GLI3: variants seen among roughly 807,000 people sequenced by gnomAD.
GLI3 encodes the protein GLI family zinc finger 3.
In GLI3, 20 loss-of-function variants were observed where a neutral mutation model predicts 100.8. The ratio of observed to expected loss-of-function variants is 0.20; its 90% CI spans 0.14 to 0.29. The LOEUF is 0.29. GLI3 is among the 10% of genes least tolerant of loss of function. The probability of loss-of-function intolerance (pLI) is 1.00; values close to 1 mark genes in which losing one functional copy is unlikely to be tolerated. For missense variants in GLI3, 2,040 were observed against 2,128.5 expected (o/e 0.96, Z 0.82); for synonymous variants, 938 against 860.5 (o/e 1.09, Z -1.58).
At chr7:42,113,484 C>CTAAAAA (rs1785768167) in intron 3 of GLI3, 1 of 830,444 alleles carries the variant, frequency 1.2e-6, no homozygotes, top group African/African-American at 1.7e-5. Context: ...CAGAGCAAGC[C>CTAAAAA]TAAAAAGGCC....
intron 3 of GLI3, among the ~76,000 whole-genome samples, chr7:42,086,599 T>A (rs952906708): frequency 9.2e-5 from 14 of 152,048 alleles, no homozygotes; most frequent in Non-Finnish European, 1.5e-5. Flanking sequence ...TCAGGCACCA[T>A]GCACTTCATG....
chr7:42,215,111 T>C (rs1788348860), intron 2 of GLI3, among the ~76,000 whole-genome samples: 1 of 152,058 alleles, frequency 6.6e-6, no homozygotes, highest in Non-Finnish European at 1.5e-5. Flanking sequence ...CTATCATTAC[T>C]GGGGACTCAC....
In GLI3 at chr7:42,025,147, A is replaced by T. The variant is rs566141427; in HGVS notation, c.1356+117T>A. 8 of 716,826 alleles carry T rather than the reference A, an allele frequency of 1.1e-5. No homozygotes were observed. In the East Asian group the frequency reaches 2.0e-4, roughly 18 times the overall value. The allele number at this position is 716,826 out of a possible 1,614,324, so 44.4% of individuals were successfully genotyped here. On this transcript the variant is annotated intron_variant, in intron 9 of 14. Transcript: ENST00000395925. Reference sequence around the variant, plus strand: ...AGAGTACGGCCAAGGTCAACAATGCAGTGGACAAGGAACTGCCGTGAAAAA... The same window carrying T: ...AGAGTACGGCCAAGGTCAACAATGCTGTGGACAAGGAACTGCCGTGAAAAA...
At chr7:42,111,574 C>A (rs1387953135) in intron 3 of GLI3, among the ~76,000 whole-genome samples, 1 of 152,164 alleles carries the variant, frequency 6.6e-6, no homozygotes, top group African/African-American at 2.4e-5. Context: ...GAAACTGTGT[C>A]ATTTTCTATG....
intron 1 of GLI3, among the ~76,000 whole-genome samples, chr7:42,230,640 C>G (rs1294832621): frequency 6.6e-6 from 1 of 152,248 alleles, no homozygotes; most frequent in Non-Finnish European, 1.5e-5. Context: ...TCATCAGCTA[C>G]TCTTCCCCTG....
chr7:42,148,516 C>G (rs1205955416), intron 2 of GLI3, 48 bp from the exon 3 acceptor site: 6 of 1,565,286 alleles, frequency 3.8e-6, no homozygotes, highest in Middle Eastern at 1.9e-4. Flanking sequence ...CTTTAAGGAG[C>G]AATTAAAAAA....
intron 10 of GLI3, among the ~76,000 whole-genome samples, chr7:41,981,308 C>T (rs1419790686): frequency 6.6e-6 from 1 of 152,186 alleles, no homozygotes; most frequent in Non-Finnish European, 1.5e-5. Flanking sequence ...CTTGCCAGGG[C>T]TCACCTAAAA....
In GLI3 at chr7:42,122,296, C is replaced by G. The variant is rs1339987105; in HGVS notation, c.367+25930G>C. Among the ~76,000 whole-genome samples, 6 of 150,154 alleles carry G rather than the reference C, an allele frequency of 4.0e-5. No homozygotes were observed. In the East Asian group the frequency reaches 1.2e-3, roughly 29 times the overall value. On this transcript the variant is annotated intron_variant, in intron 3 of 14. Coordinates refer to ENST00000395925, the MANE Select transcript of GLI3 (RefSeq NM_000168.6). Reference sequence around the variant, plus strand: ...TTTCCAGTTATAAAACCCTCACCTCCTAATCACATAAAATCAGATTTTTTA... The same window carrying G: ...TTTCCAGTTATAAAACCCTCACCTCGTAATCACATAAAATCAGATTTTTTA...
chr7:42,208,491 G>A (rs550079124), intron 2 of GLI3, among the ~76,000 whole-genome samples: 5 of 152,176 alleles, frequency 3.3e-5, no homozygotes, highest in Admixed American at 2.0e-4. Context: ...CAATAACAAC[G>A]TTCCCCAGCT....
chr7:42,237,467 C>G (rs1041746283), upstream of GLI3, among the ~76,000 whole-genome samples: 3 of 152,054 alleles, frequency 2.0e-5, 1 homozygote, highest in African/African-American at 4.8e-5. Context: ...AGAAGCCCCC[C>G]GCCCCGACCT....
chr7:42,075,155 T>A (rs564370970), intron 4 of GLI3, among the ~76,000 whole-genome samples: 2 of 152,216 alleles, frequency 1.3e-5, no homozygotes, highest in Non-Finnish European at 2.9e-5. Flanking sequence ...GATAAATTCA[T>A]ATTTGAATTT....
chr7:42,086,963 G>A (rs1471998352), intron 3 of GLI3, among the ~76,000 whole-genome samples: 1 of 152,082 alleles, frequency 6.6e-6, no homozygotes, highest in Non-Finnish European at 1.5e-5. Context: ...GGGCAGTATG[G>A]GGATGAGTCC....
chr7:42,131,805 T>G (rs1786283643), intron 3 of GLI3, among the ~76,000 whole-genome samples: 1 of 152,098 alleles, frequency 6.6e-6, no homozygotes, highest in African/African-American at 2.4e-5. Flanking sequence ...GCACCCAATA[T>G]ACAAGTAATA....
intron 2 of GLI3, among the ~76,000 whole-genome samples, chr7:42,216,395 T>C (rs1788377980): frequency 6.6e-6 from 1 of 152,252 alleles, no homozygotes; most frequent in African/African-American, 2.4e-5. Context: ...ATTCAAAGTA[T>C]TCTGTAGCAT....
At chr7:42,237,216 G>T (rs1189784122), upstream of GLI3, among the ~76,000 whole-genome samples, 5 of 150,452 alleles carry the variant, frequency 3.3e-5, no homozygotes, top group East Asian at 9.8e-4. Flanking sequence ...GTGTGCGAGC[G>T]CGCCGGTGGC....
chr7:42,191,693 C>A (rs1444982602), intron 2 of GLI3, among the ~76,000 whole-genome samples: 1 of 151,462 alleles, frequency 6.6e-6, no homozygotes, highest in Non-Finnish European at 1.5e-5. Context: ...TGAACACATA[C>A]TAACTGCCAG....
chr7:42,175,469 T>C (rs1787460284), intron 2 of GLI3, among the ~76,000 whole-genome samples: 1 of 151,972 alleles, frequency 6.6e-6, no homozygotes, highest in Non-Finnish European at 1.5e-5. Flanking sequence ...AATACAAAAA[T>C]TAGCCAGGCG....
intron 3 of GLI3, among the ~76,000 whole-genome samples, chr7:42,115,074 AAG>A (rs1171522347): frequency 2.0e-5 from 3 of 152,128 alleles, no homozygotes; most frequent in African/African-American, 7.2e-5. Flanking sequence ...AAGGGAAAAA[AAG>A]GGTAGGAGAC....
At chr7:42,232,219 G>C (rs1173360059) in intron 1 of GLI3, among the ~76,000 whole-genome samples, 2 of 152,172 alleles carry the variant, frequency 1.3e-5, no homozygotes, top group East Asian at 3.9e-4. Context: ...TATATGTACA[G>C]TGCATGCCAC....
Sources: allele counts gnomAD v4.1 joint callset (sites outside exome capture counted in the v4.1 genomes callset), GRCh38; gene constraint gnomAD v4.1.1; transcripts MANE v1.5; gene names NCBI Gene and HGNC (gene_info 2026-07-23, HGNC 2026-07-21).